Variants in PRLR observed in about 807,000 individuals in gnomAD.
PRLR encodes the protein hPRL receptor.
In PRLR, 13 loss-of-function variants were observed where a neutral mutation model predicts 40.2. The observed-to-expected ratio is 0.32, with a 90% CI of 0.21 to 0.51. The LOEUF (loss-of-function observed/expected upper bound fraction) is 0.51, where lower values mean the gene tolerates loss of function less well. Among genes scored for constraint, PRLR ranks in the 20% least tolerant of loss-of-function variants. The pLI is 0.97. For synonymous variants in PRLR, 269 were observed against 278.7 expected, an observed-to-expected ratio of 0.97 and a Z score of 0.35; for missense variants, 656 against 747.3, an observed-to-expected ratio of 0.88 and a Z score of 1.42.
intron 1 of PRLR, among the ~76,000 whole-genome samples, chr5:35,160,610 C>G (rs546953719): frequency 6.6e-6 from 1 of 152,294 alleles, no homozygotes; most frequent in South Asian, 2.1e-4. Context: ...ACAAGATATG[C>G]AAATTCCCCA....
intron 1 of PRLR, among the ~76,000 whole-genome samples, chr5:35,179,468 T>C (rs546591957): frequency 6.6e-6 from 1 of 152,318 alleles, no homozygotes; most frequent in African/African-American, 2.4e-5. Flanking sequence ...TGGGCCCTGC[T>C]CTCATGAAGC....
chr5:35,076,187 G>T (rs1770084117), intron 5 of PRLR, among the ~76,000 whole-genome samples: 1 of 152,232 alleles, frequency 6.6e-6, no homozygotes, highest in Non-Finnish European at 1.5e-5. Flanking sequence ...GCTGGACGGA[G>T]AATGACTTTG....
intron 1 of PRLR, chr5:35,152,740 A>AGAAG (rs1384341115): frequency 6.6e-6 from 1 of 152,234 alleles, no homozygotes; most frequent in Admixed American, 6.5e-5. Context: ...AGAAGTCAAA[A>AGAAG]TAAATATCCA....
At chr5:35,083,946 T>C (rs988658256) in intron 5 of PRLR, among the ~76,000 whole-genome samples, 1 of 151,574 alleles carries the variant, frequency 6.6e-6, no homozygotes, top group Non-Finnish European at 1.5e-5. Flanking sequence ...CAATGATGTA[T>C]ATATATATAT....
chr5:35,151,331 G>A (rs1183733721), intron 1 of PRLR, among the ~76,000 whole-genome samples: 1 of 152,196 alleles, frequency 6.6e-6, no homozygotes, highest in Non-Finnish European at 1.5e-5. Context: ...GGATTGCTAA[G>A]CCAACAAAAG....
Position 35,064,383 on chromosome 5 carries a change from C to T in PRLR, c.*706G>A, listed in dbSNP as rs1235435380. On this transcript the variant is annotated 3_prime_UTR_variant, in exon 10 of 10. Coordinates refer to ENST00000618457, the MANE Select transcript of PRLR (RefSeq NM_000949.7). ...GAGGAAAACATCCTAAAGGGATTCA[C>T]ATGAAATTCATTTGCCCCTTGTGTA... 20 of 152,208 alleles carry T rather than the reference C, an allele frequency of 1.3e-4. No individual in the cohort carries two copies. Among genetic ancestry groups the T allele is most frequent in the Non-Finnish European group, 2.9e-5 (2 of 68,024 alleles). The allele number at this position is 152,208 out of a possible 1,614,324, so 9.4% of individuals were successfully genotyped here.
intron 2 of PRLR, among the ~76,000 whole-genome samples, chr5:35,096,831 G>T (rs1432693193): frequency 6.6e-6 from 1 of 152,040 alleles, no homozygotes; most frequent in Non-Finnish European, 1.5e-5. Context: ...TGTTGGCCAG[G>T]CTGGTCTTGA....
At chr5:35,051,698 A>G (rs956434912), downstream of PRLR, among the ~76,000 whole-genome samples, 6 of 152,226 alleles carry the variant, frequency 3.9e-5, no homozygotes, top group African/African-American at 1.4e-4. Flanking sequence ...ATTGCAAAAG[A>G]AAAATGAAGG....
At chr5:35,153,472 C>CA (rs1330228727) in intron 1 of PRLR, among the ~76,000 whole-genome samples, 2 of 152,144 alleles carry the variant, frequency 1.3e-5, no homozygotes, top group African/African-American at 4.8e-5. Flanking sequence ...TTATTCCTCA[C>CA]AAAAGCCATA....
At chr5:35,117,136 C>T (rs1380769947) in intron 2 of PRLR, among the ~76,000 whole-genome samples, 1 of 152,018 alleles carries the variant, frequency 6.6e-6, no homozygotes, top group Non-Finnish European at 1.5e-5. Flanking sequence ...ACGATCCGAC[C>T]CAGAATGCCT....
intron 1 of PRLR, among the ~76,000 whole-genome samples, chr5:35,179,912 T>C (rs920069661): frequency 6.6e-6 from 1 of 152,204 alleles, no homozygotes; most frequent in Non-Finnish European, 1.5e-5. Flanking sequence ...ATTACATTTA[T>C]TGTGCACTTT....
chr5:35,134,265 G>A (rs1357553522), intron 1 of PRLR, among the ~76,000 whole-genome samples: 2 of 152,172 alleles, frequency 1.3e-5, no homozygotes, highest in African/African-American at 4.8e-5. Context: ...ACTTGGGTGA[G>A]CTCTTGAAAG....
chr5:35,206,608 T>C (rs1046092714), intron 1 of PRLR, among the ~76,000 whole-genome samples: 6 of 152,212 alleles, frequency 3.9e-5, no homozygotes, highest in Admixed American at 1.3e-4. Flanking sequence ...TAACATTTCA[T>C]TTTGAAGTTG....
intron 1 of PRLR, among the ~76,000 whole-genome samples, chr5:35,181,152 A>G (rs955406308): frequency 3.0e-4 from 45 of 152,344 alleles, no homozygotes; most frequent in African/African-American, 1.1e-3. Flanking sequence ...TGGTATGTAT[A>G]GTTAAATATC....
intron 1 of PRLR, among the ~76,000 whole-genome samples, chr5:35,181,993 T>C (rs573593321): frequency 6.6e-6 from 1 of 152,170 alleles, no homozygotes; most frequent in South Asian, 2.1e-4. Flanking sequence ...GACTACCAAC[T>C]CCCACTGCAT....
At chr5:35,133,111 C>T (rs1290730182) in intron 1 of PRLR, among the ~76,000 whole-genome samples, 2 of 150,564 alleles carry the variant, frequency 1.3e-5, no homozygotes, top group Non-Finnish European at 1.5e-5. Context: ...GCTTTAGACT[C>T]TCAGACTTAT....
chr5:35,212,967 C>A (rs1462939756), intron 1 of PRLR, among the ~76,000 whole-genome samples: 4 of 152,194 alleles, frequency 2.6e-5, no homozygotes, highest in Non-Finnish European at 5.9e-5. Context: ...ATTGGTTGGG[C>A]AAATTCACCC....
At chr5:35,070,797 C>G (rs1285362421) in intron 6 of PRLR, among the ~76,000 whole-genome samples, 4 of 137,618 alleles carry the variant, frequency 2.9e-5, no homozygotes, top group African/African-American at 5.6e-5. Context: ...GAGCCGAGAT[C>G]GTGCCATTGC....
rs569404442 is a variant in PRLR, at chr5:35,207,726, T to C, written c.-106+22542A>G. On this transcript the variant is annotated intron_variant, in intron 1 of 9. Coordinates refer to ENST00000618457, the MANE Select transcript of PRLR (RefSeq NM_000949.7). ...TATTCTCCAAAAACTGAAAAATGGTTGGAAGAAACACACATACACATATAT... is the reference window on the plus strand; with the variant it reads ...TATTCTCCAAAAACTGAAAAATGGTCGGAAGAAACACACATACACATATAT... Among the ~76,000 whole-genome samples, 57 of 152,116 alleles carry C rather than the reference T, an allele frequency of 3.7e-4. No homozygotes were observed. The South Asian group carries it at 0.011, about 30-fold the overall frequency.
Sources: gnomAD v4.1 joint callset for allele counts (sites outside exome capture counted in the v4.1 genomes callset) on GRCh38, gnomAD v4.1.1 for gene constraint, MANE v1.5 for transcripts, NCBI Gene and HGNC (gene_info 2026-07-23, HGNC 2026-07-21) for gene names.